The following BAIAP2 variants were observed in gnomAD, a reference collection of about 807,000 sequenced individuals.
BAIAP2 encodes the protein BAR/IMD domain-containing adapter protein 2.
Under a neutral mutation model 63.0 loss-of-function variants are expected in BAIAP2, and 18 were observed. The observed-to-expected ratio is 0.29, with a 90% CI of 0.20 to 0.42. BAIAP2 has a LOEUF of 0.42. Ranked by LOEUF, BAIAP2 falls within the 10% of genes least tolerant of loss-of-function variation. The pLI, the probability that BAIAP2 is intolerant of heterozygous loss-of-function variation, is 1.00. For synonymous variants in BAIAP2, 386 were observed against 307.6 expected, an observed-to-expected ratio of 1.25 and a Z score of -2.67; for missense variants, 610 against 734.3, an observed-to-expected ratio of 0.83 and a Z score of 1.96.
intron 3 of BAIAP2, among the ~76,000 whole-genome samples, chr17:81,072,748 C>T (rs2052924392): frequency 6.6e-6 from 1 of 152,018 alleles, no homozygotes; most frequent in African/African-American, 2.4e-5. Flanking sequence ...TTCCTGACCT[C>T]TTCGCCCAGC....
At chr17:81,091,410 G>T (rs913857840) in intron 6 of BAIAP2, among the ~76,000 whole-genome samples, 1 of 152,124 alleles carries the variant, frequency 6.6e-6, no homozygotes, top group African/African-American at 2.4e-5. Flanking sequence ...GACCAGCCCA[G>T]CAGCTGCACC....
intron 13 of BAIAP2, chr17:81,110,797 T>C: frequency 2.9e-6 from 4 of 1,388,584 alleles, no homozygotes; most frequent in South Asian, 1.2e-5. Context: ...GTGTGCCGAC[T>C]CCGAGTGCTC....
At chr17:81,068,540 A>G (rs1166951200) in intron 3 of BAIAP2, among the ~76,000 whole-genome samples, 1 of 152,196 alleles carries the variant, frequency 6.6e-6, no homozygotes, top group Non-Finnish European at 1.5e-5. Flanking sequence ...CCCTGACCCC[A>G]GGATCAGTGT....
chr17:81,115,937 C>T lies in BAIAP2; in HGVS notation c.*98C>T. On this transcript the variant is annotated 3_prime_UTR_variant, in exon 14 of 14. Coordinates refer to ENST00000428708, the MANE Select transcript of BAIAP2 (RefSeq NM_001144888.2). ...TGTGCGTTCCTGTGTAGAGAACATC[C>T]AGGCCCCGGCTGCCTGGTCTTGCCC... 1.3e-6 allele frequency: 2 copies of T among 1,555,404 alleles called. No individual in the cohort carries two copies. Among genetic ancestry groups the T allele is most frequent in the Non-Finnish European group, 8.7e-7 (1 of 1,150,818 alleles).
intron 2 of BAIAP2, among the ~76,000 whole-genome samples, chr17:81,055,072 G>A (rs1216037077): frequency 6.6e-6 from 1 of 152,074 alleles, no homozygotes; most frequent in Admixed American, 6.6e-5. Flanking sequence ...CTCTGCCGGC[G>A]CCCCCGGCTC....
In BAIAP2 at chr17:81,103,990, C is replaced by A. The variant is rs1308716224; in HGVS notation, c.948C>A (p.Arg316=). The part of the protein sequence containing the change: ...DGEDYSPWAD[R]KAAQPKSLSP... ...AGGACTACAGCCCGTGGGCTGACCG[C>A]AAGGCTGCCCAGCCCAAATCCCTGT... The change falls in exon 9 of 14, where the codon CGC becomes CGA. Residue 316 remains arginine (R), a synonymous_variant. Transcript: ENST00000428708. 5.0e-6 allele frequency: 8 copies of A among 1,613,150 alleles called. No homozygotes were observed. The highest frequency in any genetic ancestry group is 1.7e-5 in the Admixed American group (1 of 60,032).
At chr17:81,098,840 G>A (rs1275373552) in intron 6 of BAIAP2, among the ~76,000 whole-genome samples, 3 of 152,356 alleles carry the variant, frequency 2.0e-5, no homozygotes, top group East Asian at 1.9e-4. Flanking sequence ...GGTGGGGACC[G>A]CCTGCTGGCT....
chr17:81,089,183 G>T (rs775097080), intron 6 of BAIAP2, among the ~76,000 whole-genome samples: 3 of 151,942 alleles, frequency 2.0e-5, no homozygotes, highest in Non-Finnish European at 4.4e-5. Context: ...TGGCTGGTCT[G>T]TCTGTTTGCT....
At chr17:81,055,575 T>TTTTTTGTTTTTTTTTGTTTTTG (rs944438426) in intron 2 of BAIAP2, among the ~76,000 whole-genome samples, 6 of 28,428 alleles carry the variant, frequency 2.1e-4, no homozygotes, top group Non-Finnish European at 4.7e-4. Flanking sequence ...GGGTGTTTTG[T>TTTTTTGTTTTTTTTTGTTTTTG]TTTTTTTTGA....
At chr17:81,110,927 G>A (rs773933320) in intron 13 of BAIAP2, 17 of 1,613,802 alleles carry the variant, frequency 1.1e-5, no homozygotes, top group Middle Eastern at 1.6e-4. Context: ...CGATGTGGAA[G>A]TGGCCAGATT....
rs912283617 is a variant in BAIAP2 at position 81,103,877 on chromosome 17, C to T, written c.865-30C>T. On this transcript the variant is annotated intron_variant, in intron 8 of 13. Coordinates refer to ENST00000428708, the MANE Select transcript of BAIAP2 (RefSeq NM_001144888.2). ...TGGTCTTGCCCGGGGTGGGCTCCAG[C>T]AACAGCCTGCTCTGCCTGCTTCCCT... 6.8e-6 allele frequency: 11 copies of T among 1,610,640 alleles called. No homozygotes were observed. In the African/African-American group the frequency reaches 1.2e-4, roughly 18 times the overall value.
rs60015412 is a variant in BAIAP2 at position 81,111,207 on chromosome 17, C to A, written c.1535+2698C>A. Reference sequence around the variant, plus strand: ...CTGGCTGTGCCCGGGGCTCCTCTCACTGCTGGGTGTGGCTCTGGCCCTGAC... The same window carrying A: ...CTGGCTGTGCCCGGGGCTCCTCTCAATGCTGGGTGTGGCTCTGGCCCTGAC... On this transcript the variant is annotated intron_variant, in intron 13 of 13. Transcript: ENST00000428708. 7.4e-3 allele frequency among the ~76,000 whole-genome samples: 1,128 copies of A among 152,370 alleles called. 14 individuals carry two copies. The highest frequency in any genetic ancestry group is 0.026 in the African/African-American group (1,073 of 41,596).
At chr17:81,049,980 C>T (rs912436335) in intron 1 of BAIAP2, among the ~76,000 whole-genome samples, 1 of 152,214 alleles carries the variant, frequency 6.6e-6, no homozygotes, top group Non-Finnish European at 1.5e-5. Flanking sequence ...CTCAGAGAGA[C>T]GCCTGACCAG....
chr17:81,088,161 G>A (rs935854937), intron 6 of BAIAP2, among the ~76,000 whole-genome samples: 2 of 152,122 alleles, frequency 1.3e-5, no homozygotes, highest in African/African-American at 2.4e-5. Context: ...GGCCATAGCC[G>A]CCTCCGAGCA....
chr17:81,062,940 A>T (rs1303986350), intron 3 of BAIAP2, among the ~76,000 whole-genome samples: 2 of 23,426 alleles, frequency 8.5e-5, no homozygotes, highest in Non-Finnish European at 1.7e-4. Flanking sequence ...CGCCCCCACC[A>T]GCTCTGGAGA....
Position 81,117,213 on chromosome 17 carries a change from AG to A in BAIAP2, c.*1377del, listed in dbSNP as rs1277113890. ...GGGCAGCTTCCTCCTGGCCCCAGGAAGGGCTGGCATCGGGTTCCTGGCACAG... is the reference window on the plus strand; with the variant it reads ...GGGCAGCTTCCTCCTGGCCCCAGGAAGGCTGGCATCGGGTTCCTGGCACAG... On this transcript the variant is annotated 3_prime_UTR_variant, in exon 14 of 14. Transcript: ENST00000428708. The A allele has an allele frequency of 6.6e-6, 1 of 152,216 alleles. No individual in the cohort carries two copies. The allele number at this position is 152,216 out of a possible 1,614,324, so 9.4% of individuals were successfully genotyped here. A position where few individuals can be genotyped will look rare whatever the true frequency, so the allele number is the denominator to read the frequency against.
intron 3 of BAIAP2, among the ~76,000 whole-genome samples, chr17:81,062,863 G>A (rs958607497): frequency 2.0e-5 from 3 of 151,964 alleles, no homozygotes; most frequent in African/African-American, 7.3e-5. Context: ...AGCTCCCACC[G>A]CTGCTGTGTT....
intron 1 of BAIAP2, among the ~76,000 whole-genome samples, chr17:81,049,118 C>A (rs538599655): frequency 6.6e-6 from 1 of 152,364 alleles, no homozygotes; most frequent in Admixed American, 6.5e-5. Context: ...TGCGTGGTCG[C>A]CGGGGGCACA....
intron 13 of BAIAP2, chr17:81,110,189 A>G (rs1035738429): frequency 2.0e-6 from 2 of 985,182 alleles, no homozygotes; most frequent in Non-Finnish European, 2.4e-6. Flanking sequence ...CCTCCCACAC[A>G]CCTCCCCGTG....
Sources: gnomAD v4.1 joint callset for allele counts (sites outside exome capture counted in the v4.1 genomes callset) on GRCh38, gnomAD v4.1.1 for gene constraint, MANE v1.5 for transcripts, NCBI Gene and HGNC (gene_info 2026-07-23, HGNC 2026-07-21) for gene names.